Variants in KYAT1 observed in about 807,000 individuals in gnomAD.
The protein encoded by KYAT1 is kynurenine aminotransferase 1.
KYAT1 carries 47 observed loss-of-function variants against 52.4 expected under a neutral mutation model. The ratio of observed to expected loss-of-function variants is 0.90; its 90% CI spans 0.71 to 1.14. The LOEUF (loss-of-function observed/expected upper bound fraction) is 1.14. Ranked by LOEUF, KYAT1 falls within the 50% of genes most tolerant of loss-of-function variation. The probability of loss-of-function intolerance (pLI) is 0.00; values close to 1 mark genes in which losing one functional copy is unlikely to be tolerated. For synonymous variants in KYAT1, 212 were observed against 209.6 expected, an observed-to-expected ratio of 1.01 and a Z score of -0.10; for missense variants, 480 against 557.9, an observed-to-expected ratio of 0.86 and a Z score of 1.41.
chr9:128,871,996 G>T lies in KYAT1; in HGVS notation c.-7+9901C>A, dbSNP rs1036650629. Among the ~76,000 whole-genome samples the T allele has an allele frequency of 4.6e-5, 7 of 151,806 alleles. No individual in the cohort carries two copies. The South Asian group carries it at 1.2e-3, about 27-fold the overall frequency. On this transcript the variant is annotated intron_variant, in intron 1 of 12. Coordinates refer to ENST00000302586, the MANE Select transcript of KYAT1 (RefSeq NM_004059.5). ...ATACAAAAATTAGCTGGGCATAGTGGCACACGCCTGTAGTCCCAGCTACTC... is the reference window on the plus strand; with the variant it reads ...ATACAAAAATTAGCTGGGCATAGTGTCACACGCCTGTAGTCCCAGCTACTC...
chr9:128,841,233 G>A (rs995645965), intron 3 of KYAT1, among the ~76,000 whole-genome samples: 11 of 152,194 alleles, frequency 7.2e-5, no homozygotes, highest in Admixed American at 3.3e-4. Flanking sequence ...GGCCAGGTGC[G>A]GTGGCTCACG....
chr9:128,856,285 G>A (rs888721567), intron 1 of KYAT1, among the ~76,000 whole-genome samples: 5 of 152,124 alleles, frequency 3.3e-5, no homozygotes, highest in African/African-American at 9.7e-5. Context: ...CCCATCACTT[G>A]GGTTAAAACC....
intron 1 of KYAT1, among the ~76,000 whole-genome samples, chr9:128,871,422 G>A (rs1201179913): frequency 1.3e-5 from 2 of 152,044 alleles, no homozygotes; most frequent in African/African-American, 4.8e-5. Context: ...GCTGGATGTG[G>A]TGGCTCACAC....
At chr9:128,865,002 G>T (rs1836009196) in intron 1 of KYAT1, among the ~76,000 whole-genome samples, 1 of 151,588 alleles carries the variant, frequency 6.6e-6, no homozygotes, top group Non-Finnish European at 1.5e-5. Context: ...CAAGGCAGGA[G>T]GATCCCTTGA....
chr9:128,876,444 G>A (rs1217907616), intron 1 of KYAT1, among the ~76,000 whole-genome samples: 1 of 143,300 alleles, frequency 7.0e-6, no homozygotes, highest in Non-Finnish European at 1.5e-5. Flanking sequence ...TTGAGACAGA[G>A]TCTGGCTCTG....
At chr9:128,867,632 T>C (rs1015347750) in intron 1 of KYAT1, among the ~76,000 whole-genome samples, 4 of 152,218 alleles carry the variant, frequency 2.6e-5, no homozygotes, top group African/African-American at 7.2e-5. Flanking sequence ...ACAATATCAC[T>C]GTATCACTGC....
In KYAT1 at chr9:128,833,482, C is replaced by A. The variant is rs1260555967; in HGVS notation, c.*102G>T. Reference sequence around the variant, plus strand: ...CGGAGAAGAGGTTTCCCAATAGCATCTTCCCCAACCTAGAAATGTCTGAAA... The same window carrying A: ...CGGAGAAGAGGTTTCCCAATAGCATATTCCCCAACCTAGAAATGTCTGAAA... On this transcript the variant is annotated 3_prime_UTR_variant, in exon 13 of 13. Transcript: ENST00000302586. The A allele has an allele frequency of 6.4e-6, 8 of 1,242,304 alleles. No homozygotes were observed. Among genetic ancestry groups the A allele is most frequent in the East Asian group, 2.3e-5 (1 of 42,674 alleles). The allele number at this position is 1,242,304 out of a possible 1,614,324, so 77.0% of individuals were successfully genotyped here. A position where few individuals can be genotyped will look rare whatever the true frequency, so the allele number is the denominator to read the frequency against.
At chr9:128,865,318 TATATATATATATATATATATATATATATA>T (rs1836068848) in intron 1 of KYAT1, among the ~76,000 whole-genome samples, 1 of 1,210 alleles carries the variant, frequency 8.3e-4, no homozygotes, top group African/African-American at 2.4e-3. Context: ...CATATATATA[TATATATATATATATATATATATATATATA>T]TATATATATA....
At position 128,846,892 on chromosome 9, in the gene KYAT1, T is replaced by C; in HGVS notation, c.-6-1481A>G. On this transcript the variant is annotated intron_variant, in intron 1 of 12. Coordinates refer to ENST00000302586, the MANE Select transcript of KYAT1 (RefSeq NM_004059.5). The stretch of plus-strand genomic sequence containing the variant: ...CAATAGTGAACCCTGGCTCAGGATT[T>C]TGCTCAGTTCCACCTCGCTCAGTTC... 3 of 1,522,452 alleles carry C rather than the reference T, an allele frequency of 2.0e-6. No homozygotes were observed. The East Asian group carries it at 7.4e-5, about 37-fold the overall frequency. The allele number at this position is 1,522,452 out of a possible 1,614,324, so 94.3% of individuals were successfully genotyped here.
intron 1 of KYAT1, among the ~76,000 whole-genome samples, chr9:128,845,898 A>G (rs1833015897): frequency 6.6e-6 from 1 of 152,290 alleles, no homozygotes; most frequent in South Asian, 2.1e-4. Flanking sequence ...TATCTTATCA[A>G]TGAGAAAACA....
Position 128,833,730 on chromosome 9 carries a change from TG to T in KYAT1, c.1209+9del. 2 of 1,614,086 alleles carry T rather than the reference TG, an allele frequency of 1.2e-6. No individual in the cohort carries two copies. The highest frequency in any genetic ancestry group is 1.7e-6 in the Non-Finnish European group (2 of 1,179,902). On this transcript the variant is annotated intron_variant, in intron 12 of 12. Coordinates refer to ENST00000302586, the MANE Select transcript of KYAT1 (RefSeq NM_004059.5). ...TGTGAGGTCTTTCCTCCCCCAGCCC[TG>T]CCCTTTACCTTCACAAAACAGAAGC...
chr9:128,866,003 T>C (rs1836314846), intron 1 of KYAT1, among the ~76,000 whole-genome samples: 1 of 152,212 alleles, frequency 6.6e-6, no homozygotes, highest in African/African-American at 2.4e-5. Flanking sequence ...AAAGATTCTC[T>C]TCTGTTCATC....
chr9:128,872,128 CAAAAAAAAAAA>C (rs766267199), intron 1 of KYAT1, among the ~76,000 whole-genome samples: 1 of 57,248 alleles, frequency 1.7e-5, no homozygotes, highest in Non-Finnish European at 3.5e-5. Context: ...AACTCTGTCT[CAAAAAAAAAAA>C]AAAAAAAAAG....
chr9:128,871,204 G>C (rs996410422), intron 1 of KYAT1, among the ~76,000 whole-genome samples: 10 of 151,982 alleles, frequency 6.6e-5, no homozygotes, highest in Non-Finnish European at 1.5e-5. Context: ...TGTAGTCCCA[G>C]CTACTCGGGA....
At chr9:128,876,699 A>G (rs1196747570) in intron 1 of KYAT1, among the ~76,000 whole-genome samples, 1 of 149,154 alleles carries the variant, frequency 6.7e-6, no homozygotes, top group African/African-American at 2.5e-5. Flanking sequence ...GATTACAGGC[A>G]TGAGCCACGG....
chr9:128,879,420 G>A (rs144341356), intron 1 of KYAT1, among the ~76,000 whole-genome samples: 1 of 152,142 alleles, frequency 6.6e-6, no homozygotes, highest in Admixed American at 6.6e-5. Flanking sequence ...GGCTGTGAAG[G>A]CTCCTGCATT....
intron 1 of KYAT1, among the ~76,000 whole-genome samples, chr9:128,845,824 G>A (rs1833004689): frequency 6.6e-6 from 1 of 152,226 alleles, no homozygotes; most frequent in Non-Finnish European, 1.5e-5. Context: ...GACAGCAGCA[G>A]CCTCCACTTA....
At chr9:128,879,469 C>T (rs1838505576) in intron 1 of KYAT1, among the ~76,000 whole-genome samples, 1 of 152,156 alleles carries the variant, frequency 6.6e-6, no homozygotes, top group African/African-American at 2.4e-5. Flanking sequence ...ATCAGGCGCC[C>T]TACTCTTTGG....
At chr9:128,858,508 A>C (rs1834997165) in intron 1 of KYAT1, among the ~76,000 whole-genome samples, 3 of 146,964 alleles carry the variant, frequency 2.0e-5, no homozygotes, top group Non-Finnish European at 4.5e-5. Flanking sequence ...GACCAGCCTG[A>C]CCAATATGAT....
Sources: allele counts gnomAD v4.1 joint callset (sites outside exome capture counted in the v4.1 genomes callset), GRCh38; gene constraint gnomAD v4.1.1; transcripts MANE v1.5; gene names NCBI Gene and HGNC (gene_info 2026-07-23, HGNC 2026-07-21).